The following CNTN4 variants were observed in gnomAD, a reference collection of about 807,000 sequenced individuals.
The protein encoded by CNTN4 is contactin 4, also known as contactin-4.
A neutral mutation model predicts 122.5 loss-of-function variants in CNTN4; 77 were observed. The observed-to-expected ratio is 0.63, with a 90% CI of 0.52 to 0.76. CNTN4 has a LOEUF of 0.76. CNTN4 is among the 30% of genes least tolerant of loss of function. The pLI is 0.00. For missense variants in CNTN4, 1,256 were observed against 1,259.1 expected (o/e 1.00, Z 0.04); for synonymous variants, 512 against 447.0 (o/e 1.15, Z -1.83).
At chr3:2,401,806 T>C (rs1415953332) in intron 3 of CNTN4, among the ~76,000 whole-genome samples, 1 of 152,180 alleles carries the variant, frequency 6.6e-6, no homozygotes, top group Non-Finnish European at 1.5e-5. Context: ...CACACGAGTG[T>C]GGCTGTTTGT....
intron 3 of CNTN4, among the ~76,000 whole-genome samples, chr3:2,394,042 G>A (rs2046542871): frequency 6.6e-6 from 1 of 151,878 alleles, no homozygotes; most frequent in African/African-American, 2.4e-5. Flanking sequence ...CTCCAATGTT[G>A]GTCAGGGTTA....
At chr3:2,954,382 A>G (rs942585351) in intron 13 of CNTN4, among the ~76,000 whole-genome samples, 1 of 152,234 alleles carries the variant, frequency 6.6e-6, no homozygotes, top group Admixed American at 6.5e-5. Flanking sequence ...ACCGATGGAC[A>G]GTATGTCTGG....
chr3:2,848,363 A>G (rs1044327096), intron 7 of CNTN4, among the ~76,000 whole-genome samples: 1 of 152,208 alleles, frequency 6.6e-6, no homozygotes, highest in African/African-American at 2.4e-5. Flanking sequence ...GCAGAGCAGG[A>G]CTCATGGAAG....
At chr3:2,949,620 C>CA (rs748805801) in intron 13 of CNTN4, among the ~76,000 whole-genome samples, 5 of 152,200 alleles carry the variant, frequency 3.3e-5, no homozygotes, top group Non-Finnish European at 2.9e-5. Flanking sequence ...CATTGGGTGG[C>CA]AGCTCCCTGG....
intron 3 of CNTN4, among the ~76,000 whole-genome samples, chr3:2,431,919 A>C (rs918807432): frequency 6.6e-6 from 1 of 152,128 alleles, no homozygotes; most frequent in African/African-American, 2.4e-5. Context: ...GTGAATAAAC[A>C]TATAGAGTAT....
rs758494436 is a variant in CNTN4, at chr3:2,144,782, A to G, written c.-145+44143A>G. ...GAATTAAATTAAATATTGGAATTGT[A>G]TCTGTCAAAGCCATATCAGCTCTAA... On this transcript the variant is annotated intron_variant, in intron 2 of 24. Transcript: ENST00000418658. 9.2e-5 allele frequency among the ~76,000 whole-genome samples: 14 copies of G among 152,360 alleles called. No individual in the cohort carries two copies. In the South Asian group the frequency reaches 1.0e-3, roughly 11 times the overall value.
rs564341123 is a variant in CNTN4, at chr3:2,762,611, A to G, written c.358+16914A>G. Among the ~76,000 whole-genome samples the G allele has an allele frequency of 1.5e-3, 223 of 152,266 alleles. 1 individual carries two copies. Among genetic ancestry groups the G allele is most frequent in the African/African-American group, 5.2e-3 (215 of 41,564 alleles). On this transcript the variant is annotated intron_variant, in intron 6 of 24. Coordinates refer to ENST00000418658, the MANE Select transcript of CNTN4 (RefSeq NM_175607.3). ...TTTAGGTTGATTCCGTGTCTTTGCT[A>G]TTGTGAATAGTACTGCAGTGAACAT...
At chr3:2,326,513 C>G (rs1167536460) in intron 2 of CNTN4, among the ~76,000 whole-genome samples, 2 of 140,012 alleles carry the variant, frequency 1.4e-5, no homozygotes, top group African/African-American at 5.0e-5. Flanking sequence ...CACACACACA[C>G]ACACACACAC....
chr3:2,405,860 C>A (rs1264201344), intron 3 of CNTN4, among the ~76,000 whole-genome samples: 1 of 151,824 alleles, frequency 6.6e-6, no homozygotes, highest in East Asian at 1.9e-4. Context: ...TCATCTCTAC[C>A]TACAAGAAAT....
chr3:2,116,801 T>G (rs1328695643), intron 2 of CNTN4, among the ~76,000 whole-genome samples: 1 of 152,136 alleles, frequency 6.6e-6, no homozygotes, highest in Non-Finnish European at 1.5e-5. Flanking sequence ...TTACTAAACA[T>G]CTAATGTTGC....
At chr3:3,009,582 C>T (rs1435056877) in intron 14 of CNTN4, among the ~76,000 whole-genome samples, 13 of 89,324 alleles carry the variant, frequency 1.5e-4, no homozygotes, top group Admixed American at 7.3e-4. Flanking sequence ...TACAGGCGCC[C>T]GCCACCACGC....
intron 3 of CNTN4, among the ~76,000 whole-genome samples, chr3:2,376,325 G>A (rs953148824): frequency 1.6e-4 from 25 of 152,012 alleles, no homozygotes; most frequent in African/African-American, 5.6e-4. Context: ...CTTGTTTAAC[G>A]TTCCTAGTAA....
At position 2,784,213 on chromosome 3, in the gene CNTN4, G is replaced by A. The variant is rs539539483; in HGVS notation, c.359-35273G>A. Among the ~76,000 whole-genome samples, 15 of 152,284 alleles carry A rather than the reference G, an allele frequency of 9.9e-5. No homozygotes were observed. In the South Asian group the frequency reaches 2.7e-3, roughly 27 times the overall value. On this transcript the variant is annotated intron_variant, in intron 6 of 24. Coordinates refer to ENST00000418658, the MANE Select transcript of CNTN4 (RefSeq NM_175607.3). ...GGGTATGTAACATGAATGAGTGAAC[G>A]GGGAATGGATACAAGGCCAAAAGAG...
In CNTN4 at chr3:3,056,407, G is replaced by T; in HGVS notation, c.*187G>T. 1 of 573,134 alleles carries T rather than the reference G, an allele frequency of 1.7e-6. No individual in the cohort carries two copies. Among genetic ancestry groups the T allele is most frequent in the Non-Finnish European group, 3.1e-6 (1 of 319,320 alleles). The allele number at this position is 573,134 out of a possible 1,614,324, so 35.5% of individuals were successfully genotyped here. A position where few individuals can be genotyped will look rare whatever the true frequency, so the allele number is the denominator to read the frequency against. On this transcript the variant is annotated 3_prime_UTR_variant, in exon 25 of 25. Transcript: ENST00000418658. Reference sequence around the variant, plus strand: ...CAAAGCAAATCTAGCTTTGTCTGAAGTTTCTTTGGAAACTCTGCAATGCAC... The same window carrying T: ...CAAAGCAAATCTAGCTTTGTCTGAATTTTCTTTGGAAACTCTGCAATGCAC...
At chr3:2,878,691 C>T (rs2093874253) in intron 8 of CNTN4, among the ~76,000 whole-genome samples, 1 of 151,892 alleles carries the variant, frequency 6.6e-6, no homozygotes, top group African/African-American at 2.4e-5. Flanking sequence ...TGTTTTATGT[C>T]AGTAGTTACT....
At chr3:2,726,106 C>G (rs1024685661) in intron 4 of CNTN4, among the ~76,000 whole-genome samples, 13 of 152,138 alleles carry the variant, frequency 8.5e-5, no homozygotes, top group African/African-American at 2.9e-4. Context: ...TAATTTTGCT[C>G]TTTTCTGTTT....
At chr3:2,172,077 T>A (rs1205213651) in intron 2 of CNTN4, among the ~76,000 whole-genome samples, 1 of 152,236 alleles carries the variant, frequency 6.6e-6, no homozygotes, top group Non-Finnish European at 1.5e-5. Context: ...GGGAAAGCTA[T>A]TTACTAAGTC....
intron 3 of CNTN4, among the ~76,000 whole-genome samples, chr3:2,418,675 T>C (rs1232972954): frequency 6.6e-6 from 1 of 152,106 alleles, no homozygotes; most frequent in Non-Finnish European, 1.5e-5. Context: ...CCAGGGTTTA[T>C]AGGAAAGGAA....
At chr3:2,391,678 G>A (rs1260506771) in intron 3 of CNTN4, among the ~76,000 whole-genome samples, 1 of 152,124 alleles carries the variant, frequency 6.6e-6, no homozygotes, top group Non-Finnish European at 1.5e-5. Flanking sequence ...TTTAGATTGA[G>A]AAAAAGAACT....
Sources: gnomAD v4.1 joint callset for allele counts (sites outside exome capture counted in the v4.1 genomes callset) on GRCh38, gnomAD v4.1.1 for gene constraint, MANE v1.5 for transcripts, NCBI Gene and HGNC (gene_info 2026-07-23, HGNC 2026-07-21) for gene names.